TTLL7: variants seen among roughly 807,000 people sequenced by gnomAD.
TTLL7 encodes tubulin polyglutamylase TTLL7.
Under a neutral mutation model 120.2 loss-of-function variants are expected in TTLL7, and 53 were observed. The ratio of observed to expected loss-of-function variants is 0.44; its 90% confidence interval spans 0.35 to 0.55. The LOEUF is 0.55. Among genes scored for constraint, TTLL7 ranks in the 20% least tolerant of loss-of-function variants. The pLI is 0.00. For synonymous variants in TTLL7, 353 were observed against 351.7 expected, an observed-to-expected ratio of 1.00 and a Z score of -0.04; for missense variants, 803 against 1,054.7, an observed-to-expected ratio of 0.76 and a Z score of 3.31.
Position 83,969,920 on chromosome 1 carries a change from T to C in TTLL7, c.-176-17533A>G, listed in dbSNP as rs72719389. Reference sequence around the variant, plus strand: ...TATTTTACCATGAAAGAATGAATGATAAAGTTGAAGATTTGCTTTAATTTA... The same window carrying C: ...TATTTTACCATGAAAGAATGAATGACAAAGTTGAAGATTTGCTTTAATTTA... On this transcript the variant is annotated intron_variant, in intron 1 of 20. Coordinates refer to ENST00000260505, the MANE Select transcript of TTLL7 (RefSeq NM_024686.6). Among the ~76,000 whole-genome samples the C allele has an allele frequency of 7.2e-3, 1,089 of 152,128 alleles. 5 individuals carry two copies. Among genetic ancestry groups the C allele is most frequent in the Non-Finnish European group, 0.011 (759 of 67,912 alleles).
intron 10 of TTLL7, among the ~76,000 whole-genome samples, chr1:83,928,860 G>A (rs2100812938): frequency 6.6e-6 from 1 of 151,696 alleles, no homozygotes; most frequent in Middle Eastern, 3.4e-3. Flanking sequence ...GGTACAGACT[G>A]TTGCCTGGGA....
intron 1 of TTLL7, chr1:83,981,525 A>G (rs1187105652): frequency 2.0e-5 from 3 of 152,216 alleles, no homozygotes; most frequent in African/African-American, 7.2e-5. Flanking sequence ...TAGATCTGAA[A>G]AGCTTAAAAA....
At chr1:83,983,001 C>T (rs12744856) in intron 1 of TTLL7, among the ~76,000 whole-genome samples, 102 of 152,010 alleles carry the variant, frequency 6.7e-4, no homozygotes, top group Middle Eastern at 6.8e-3. Flanking sequence ...AGCCGCATAG[C>T]GACACCTCTC....
chr1:83,908,755 T>C (rs12748268), intron 15 of TTLL7, among the ~76,000 whole-genome samples: 65,660 of 151,428 alleles, frequency 0.43, 15,582 homozygotes, highest in Non-Finnish European at 0.54. Context: ...AATAATTTGG[T>C]AAAATTCACA....
rs532789232 is a variant in TTLL7 at position 83,885,545 on chromosome 1, A to G, written c.2370-2409T>C. ...AAATAAATATATGAATCAAGGTCCTATACATATTTAGTTCTGGTGTGTATA... is the reference window on the plus strand; with the variant it reads ...AAATAAATATATGAATCAAGGTCCTGTACATATTTAGTTCTGGTGTGTATA... On this transcript the variant is annotated intron_variant, in intron 19 of 20. Transcript: ENST00000260505. Among the ~76,000 whole-genome samples, 11 of 152,156 alleles carry G rather than the reference A, an allele frequency of 7.2e-5. No individual in the cohort carries two copies. In the South Asian group the frequency reaches 1.9e-3, roughly 26 times the overall value.
At chr1:83,944,870 A>C (rs1175387610) in intron 6 of TTLL7, among the ~76,000 whole-genome samples, 1 of 152,236 alleles carries the variant, frequency 6.6e-6, no homozygotes, top group Non-Finnish European at 1.5e-5. Context: ...AACAACATAA[A>C]GGGAGTAAAT....
chr1:83,978,775 T>C (rs2100594878), intron 1 of TTLL7, among the ~76,000 whole-genome samples: 1 of 152,276 alleles, frequency 6.6e-6, no homozygotes, highest in Non-Finnish European at 1.5e-5. Context: ...AATTCTAGTC[T>C]AGCAATGATT....
intron 1 of TTLL7, among the ~76,000 whole-genome samples, chr1:83,994,343 A>G (rs1382575418): frequency 6.6e-6 from 1 of 152,124 alleles, no homozygotes; most frequent in Non-Finnish European, 1.5e-5. Flanking sequence ...GCCTACCTCA[A>G]TGGATTCCCA....
intron 3 of TTLL7, among the ~76,000 whole-genome samples, chr1:83,950,411 C>G (rs1033139533): frequency 1.3e-5 from 2 of 152,130 alleles, no homozygotes; most frequent in African/African-American, 2.4e-5. Flanking sequence ...ATACTTTCCA[C>G]CTCCCTAGTT....
chr1:83,892,381 A>AAC (rs1655617519), intron 18 of TTLL7, among the ~76,000 whole-genome samples: 7 of 55,242 alleles, frequency 1.3e-4, no homozygotes, highest in Admixed American at 2.2e-4. Context: ...AATATATATG[A>AAC]ATATATATAC....
At chr1:83,940,260 T>C (rs1647827708) in intron 7 of TTLL7, among the ~76,000 whole-genome samples, 1 of 152,090 alleles carries the variant, frequency 6.6e-6, no homozygotes, top group East Asian at 1.9e-4. Flanking sequence ...AGCTTCCAAG[T>C]CTTATTCTTT....
Position 83,906,347 on chromosome 1 carries a change from T to C in TTLL7, c.2109A>G (p.Ser703=). The C allele has an allele frequency of 6.2e-7, 1 of 1,612,348 alleles. No individual in the cohort carries two copies. Residue 703 remains serine (S), a synonymous_variant, in exon 17 of 21, where the codon TCA becomes TCG. Transcript: ENST00000260505. ...IRFPGKSDAE[S]ELLIEDIIDN... ...TACTCACATCTTCTATCAGAAGTTC[T>C]GATTCTGCATCTGACTTTCCTGGAA...
At chr1:83,947,081 A>G in intron 6 of TTLL7, 43 bp downstream of exon 6, 1 of 1,498,282 alleles carries the variant, frequency 6.7e-7, no homozygotes, top group Non-Finnish European at 8.9e-7. Flanking sequence ...CCACTCCCAA[A>G]TTTTTTTTTA....
chr1:83,891,580 A>G (rs550335883), intron 18 of TTLL7, among the ~76,000 whole-genome samples: 1 of 152,176 alleles, frequency 6.6e-6, no homozygotes, highest in East Asian at 1.9e-4. Context: ...ATTATTTCTC[A>G]TAGGTAAAAA....
chr1:83,974,457 T>G (rs570917164), intron 1 of TTLL7, among the ~76,000 whole-genome samples: 1 of 152,114 alleles, frequency 6.6e-6, no homozygotes, highest in South Asian at 2.1e-4. Flanking sequence ...TCACAATACA[T>G]TTTCTAAGCC....
rs151137565 is a variant in TTLL7 at position 83,931,947 on chromosome 1, T to C, written c.1047+1661A>G. 3.0e-3 allele frequency among the ~76,000 whole-genome samples: 459 copies of C among 152,334 alleles called. 2 individuals are homozygous for C. Among genetic ancestry groups the C allele is most frequent in the African/African-American group, 0.01 (426 of 41,590 alleles). On this transcript the variant is annotated intron_variant, in intron 9 of 20. Transcript: ENST00000260505. ...CACAAGGCAAGATTGAAGATTCTTT[T>C]AACTGTTTTAATATAACAAATGTTC...
chr1:83,978,937 C>G (rs1417049300), intron 1 of TTLL7, among the ~76,000 whole-genome samples: 1 of 152,094 alleles, frequency 6.6e-6, no homozygotes, highest in Non-Finnish European at 1.5e-5. Flanking sequence ...TTAAAAGTAC[C>G]TAAAAGCCTG....
chr1:83,934,913 G>GT (rs1647257009), intron 8 of TTLL7, among the ~76,000 whole-genome samples: 2 of 152,116 alleles, frequency 1.3e-5, no homozygotes, highest in African/African-American at 2.4e-5. Flanking sequence ...AGAGCCCAGA[G>GT]TACTATTATT....
chr1:83,941,530 C>T (rs1647966516), intron 7 of TTLL7, among the ~76,000 whole-genome samples: 1 of 152,034 alleles, frequency 6.6e-6, no homozygotes, highest in Non-Finnish European at 1.5e-5. Flanking sequence ...AACATAGTAC[C>T]ATTTATGATC....
Sources: gnomAD v4.1 joint callset for allele counts (sites outside exome capture counted in the v4.1 genomes callset) on GRCh38, gnomAD v4.1.1 for gene constraint, MANE v1.5 for transcripts, NCBI Gene and HGNC (gene_info 2026-07-23, HGNC 2026-07-21) for gene names.